KIF21A: variants seen among roughly 807,000 people sequenced by gnomAD.
KIF21A encodes the protein kinesin-like protein KIF21A.
Under a neutral mutation model 202.9 loss-of-function variants are expected in KIF21A, and 114 were observed. That is an observed-to-expected ratio of 0.56 (90% CI 0.48 to 0.66). The LOEUF (loss-of-function observed/expected upper bound fraction) is 0.66, where lower values mean the gene tolerates loss of function less well. KIF21A is among the 30% of genes least tolerant of loss of function. KIF21A has a pLI of 0.00. For synonymous variants in KIF21A, 667 were observed against 670.8 expected, an observed-to-expected ratio of 0.99 and a Z score of 0.09; for missense variants, 1,677 against 1,994.9, an observed-to-expected ratio of 0.84 and a Z score of 3.04.
At position 39,332,420 on chromosome 12, in the gene KIF21A, G is replaced by A. The variant is rs765079752; in HGVS notation, c.2857-12C>T. The A allele has an allele frequency of 3.1e-6, 5 of 1,612,964 alleles. No individual in the cohort carries two copies. In the Admixed American group the frequency reaches 6.7e-5, roughly 22 times the overall value. ...AGTTCCTCCCGTTGCTATTGAGAAA[G>A]CAGGTTGGATTTTAAGAAATTATGT... is the stretch of plus-strand genomic sequence containing the variant. On this transcript the variant is annotated splice_polypyrimidine_tract_variant and intron_variant, in intron 20 of 37. Coordinates refer to ENST00000361418, the MANE Select transcript of KIF21A (RefSeq NM_001173464.2).
intron 10 of KIF21A, among the ~76,000 whole-genome samples, chr12:39,353,829 G>A (rs1014074323): frequency 1.3e-5 from 2 of 152,028 alleles, no homozygotes; most frequent in Admixed American, 6.6e-5. Context: ...TTTTTGTATG[G>A]CCTACAGGGA....
At chr12:39,389,228 T>C (rs1263291203) in intron 1 of KIF21A, among the ~76,000 whole-genome samples, 1 of 130,518 alleles carries the variant, frequency 7.7e-6, no homozygotes, top group Non-Finnish European at 1.7e-5. Context: ...ACATACATGC[T>C]GATGTCTCCT....
intron 1 of KIF21A, among the ~76,000 whole-genome samples, chr12:39,440,931 C>T (rs1186977657): frequency 6.6e-6 from 1 of 151,956 alleles, no homozygotes; most frequent in Non-Finnish European, 1.5e-5. Flanking sequence ...TAGAGGATTG[C>T]TTGAGCCCAT....
chr12:39,386,601 A>C (rs1950964296), intron 1 of KIF21A, among the ~76,000 whole-genome samples: 1 of 152,146 alleles, frequency 6.6e-6, no homozygotes, highest in Non-Finnish European at 1.5e-5. Context: ...GTAAGATGAA[A>C]AGCTACTGAC....
rs1159706598 is a variant in KIF21A at position 39,373,651 on chromosome 12, C to A, written c.45-3390G>T. Among the ~76,000 whole-genome samples, 3 of 152,170 alleles carry A rather than the reference C, an allele frequency of 2.0e-5. No homozygotes were observed. The East Asian group carries it at 5.8e-4, about 29-fold the overall frequency. On this transcript the variant is annotated intron_variant, in intron 1 of 37. Coordinates refer to ENST00000361418, the MANE Select transcript of KIF21A (RefSeq NM_001173464.2). ...ATTAATTTTAGGTAAATGATTATAA[C>A]CATAGGCTAATTTATTTGGCTATTA... is the stretch of plus-strand genomic sequence containing the variant.
intron 17 of KIF21A, among the ~76,000 whole-genome samples, chr12:39,336,127 C>T (rs1459717892): frequency 6.6e-6 from 1 of 152,056 alleles, no homozygotes; most frequent in Non-Finnish European, 1.5e-5. Context: ...TGTTGTTGTT[C>T]AGACTAGTCT....
At chr12:39,423,403 T>A (rs577637429) in intron 1 of KIF21A, among the ~76,000 whole-genome samples, 1 of 152,064 alleles carries the variant, frequency 6.6e-6, no homozygotes, top group Non-Finnish European at 1.5e-5. Flanking sequence ...ACACACTGCC[T>A]CATCCACTGA....
intron 1 of KIF21A, among the ~76,000 whole-genome samples, chr12:39,423,223 A>C (rs1954448063): frequency 6.6e-6 from 1 of 151,920 alleles, no homozygotes; most frequent in Admixed American, 6.5e-5. Context: ...AAGTAAGGCT[A>C]TTTTTTCTTC....
intron 29 of KIF21A, 75 bp from the exon 30 acceptor site, chr12:39,316,045 A>T: frequency 1.0e-6 from 1 of 958,642 alleles, no homozygotes. Flanking sequence ...TTTGGACTCA[A>T]AATCAACAGC....
At chr12:39,433,762 T>C (rs1325416075) in intron 1 of KIF21A, among the ~76,000 whole-genome samples, 1 of 152,110 alleles carries the variant, frequency 6.6e-6, no homozygotes, top group Non-Finnish European at 1.5e-5. Context: ...TATAAAAGGA[T>C]GAATTTGATA....
At chr12:39,350,860 C>G (rs1399664519) in intron 11 of KIF21A, among the ~76,000 whole-genome samples, 1 of 152,008 alleles carries the variant, frequency 6.6e-6, no homozygotes, top group African/African-American at 2.4e-5. Context: ...TACCTAAATA[C>G]ATTTTTAAAT....
chr12:39,325,413 G>A (rs998319470), intron 26 of KIF21A, among the ~76,000 whole-genome samples: 2 of 150,138 alleles, frequency 1.3e-5, no homozygotes, highest in Non-Finnish European at 2.9e-5. Flanking sequence ...TTCACTGCAA[G>A]CTTCACCTCC....
intron 7 of KIF21A, among the ~76,000 whole-genome samples, chr12:39,361,189 A>C (rs1949181278): frequency 6.6e-6 from 1 of 152,246 alleles, no homozygotes; most frequent in Admixed American, 6.5e-5. Context: ...AGTTTTCAAG[A>C]GTTAAAATAG....
chr12:39,356,905 A>G lies in KIF21A; in HGVS notation c.1406-10T>C. On this transcript the variant is annotated splice_polypyrimidine_tract_variant and intron_variant, in intron 9 of 37. Transcript: ENST00000361418. ...TCCTCATTTCCTTCACCTGAAAGAC[A>G]AAATATGAAATAAAAATTTTCCTTT... The G allele has an allele frequency of 1.7e-6, 2 of 1,189,490 alleles. No homozygotes were observed. Among genetic ancestry groups the G allele is most frequent in the Admixed American group, 1.7e-5 (1 of 57,454 alleles). 73.7% of individuals were successfully genotyped at this position (1,189,490 alleles called of 1,614,324 possible). A position where few individuals can be genotyped will look rare whatever the true frequency, so the allele number is the denominator to read the frequency against.
At chr12:39,308,166 G>C (rs1029680637) in intron 33 of KIF21A, among the ~76,000 whole-genome samples, 1 of 151,930 alleles carries the variant, frequency 6.6e-6, no homozygotes, top group African/African-American at 2.4e-5. Flanking sequence ...TCAGGAGTTT[G>C]AGTCCAGCCT....
chr12:39,318,929 C>T (rs983007007), intron 28 of KIF21A, among the ~76,000 whole-genome samples: 2 of 150,968 alleles, frequency 1.3e-5, no homozygotes, highest in South Asian at 2.1e-4. Flanking sequence ...TGCAGTGAGC[C>T]GAGATAGCGC....
intron 3 of KIF21A, among the ~76,000 whole-genome samples, chr12:39,369,206 C>G (rs1435139170): frequency 6.6e-6 from 1 of 152,056 alleles, no homozygotes; most frequent in East Asian, 1.9e-4. Flanking sequence ...TACCTGTAAC[C>G]CCAGCACTTT....
intron 1 of KIF21A, among the ~76,000 whole-genome samples, chr12:39,418,996 G>GA (rs1954013180): frequency 6.6e-6 from 1 of 152,118 alleles, no homozygotes; most frequent in Admixed American, 6.6e-5. Flanking sequence ...TCTCTTAAGC[G>GA]GAAAAGGCAC....
At chr12:39,389,851 A>G (rs1220037037) in intron 1 of KIF21A, among the ~76,000 whole-genome samples, 1 of 152,224 alleles carries the variant, frequency 6.6e-6, no homozygotes, top group Non-Finnish European at 1.5e-5. Flanking sequence ...TAATGACTAC[A>G]TATTTTGAAG....
Sources: allele counts gnomAD v4.1 joint callset (sites outside exome capture counted in the v4.1 genomes callset), GRCh38; gene constraint gnomAD v4.1.1; transcripts MANE v1.5; gene names NCBI Gene and HGNC (gene_info 2026-07-23, HGNC 2026-07-21).